The following CSMD1 variants were observed in gnomAD, a reference collection of about 807,000 sequenced individuals.
The protein encoded by CSMD1 is CUB and Sushi multiple domains 1.
In CSMD1, 213 loss-of-function variants were observed where a neutral mutation model predicts 417.5. The ratio of observed to expected loss-of-function variants is 0.51; its 90% CI spans 0.46 to 0.57. The LOEUF (loss-of-function observed/expected upper bound fraction) is 0.57. CSMD1 is among the 20% of genes least tolerant of loss of function. The probability of loss-of-function intolerance (pLI) is 0.00; values close to 1 mark genes in which losing one functional copy is unlikely to be tolerated. For missense variants in CSMD1, 6,923 were observed against 4,529.7 expected, an observed-to-expected ratio of 1.53 and a Z score of -15.17; for synonymous variants, 2,862 against 1,736.8, an observed-to-expected ratio of 1.65 and a Z score of -16.11.
At chr8:4,661,558 T>A (rs1225250050) in intron 1 of CSMD1, among the ~76,000 whole-genome samples, 1 of 152,154 alleles carries the variant, frequency 6.6e-6, no homozygotes, top group Non-Finnish European at 1.5e-5. Context: ...ATATTCTGTA[T>A]CTCCAATGTG....
At chr8:3,037,907 A>C (rs908884176) in intron 50 of CSMD1, among the ~76,000 whole-genome samples, 12 of 152,024 alleles carry the variant, frequency 7.9e-5, no homozygotes, top group Non-Finnish European at 1.5e-4. Context: ...CCTTCATAAC[A>C]CTGTCATATT....
intron 5 of CSMD1, among the ~76,000 whole-genome samples, chr8:3,796,426 AGATATATATATCTATCGTG>A (rs1330522016): frequency 1.2e-4 from 14 of 114,570 alleles, no homozygotes; most frequent in Non-Finnish European, 2.2e-4. Flanking sequence ...TATCATGTAT[AGATATATATATCTATCGTG>A]TATAGATATA....
intron 52 of CSMD1, among the ~76,000 whole-genome samples, chr8:3,003,231 G>C (rs76211252): frequency 1.8e-3 from 269 of 152,248 alleles, no homozygotes; most frequent in African/African-American, 6.3e-3. Flanking sequence ...AATTGCATTA[G>C]GAGGAATTTG....
Position 4,230,198 on chromosome 8 carries a change from T to C in CSMD1, c.415+189755A>G, listed in dbSNP as rs78361006. ...TATTCTGAGCCAAATTATCTTAAGATCTAGAGTTTCCCTCTAATCTTAATA... is the reference window on the plus strand; with the variant it reads ...TATTCTGAGCCAAATTATCTTAAGACCTAGAGTTTCCCTCTAATCTTAATA... On this transcript the variant is annotated intron_variant, in intron 3 of 69. Coordinates refer to ENST00000635120, the MANE Select transcript of CSMD1 (RefSeq NM_033225.6). 7.9e-3 allele frequency among the ~76,000 whole-genome samples: 1,198 copies of C among 152,312 alleles called. 10 individuals carry two copies. The highest frequency in any genetic ancestry group is 0.026 in the African/African-American group (1,101 of 41,564).
intron 1 of CSMD1, among the ~76,000 whole-genome samples, chr8:4,920,085 A>G (rs79348550): frequency 0.011 from 1,638 of 152,306 alleles, 25 homozygotes; most frequent in African/African-American, 0.036. Context: ...TGAAAAGACA[A>G]ATAGAAGACA....
chr8:3,318,340 G>A (rs993416734), intron 23 of CSMD1, among the ~76,000 whole-genome samples: 1 of 152,152 alleles, frequency 6.6e-6, no homozygotes, highest in Non-Finnish European at 1.5e-5. Context: ...ATCTGGAGTA[G>A]CATATCCTCT....
chr8:3,277,618 A>G (rs1802400670), intron 26 of CSMD1, among the ~76,000 whole-genome samples: 1 of 152,154 alleles, frequency 6.6e-6, no homozygotes, highest in Non-Finnish European at 1.5e-5. Context: ...AAAACCGGGA[A>G]GATGTCAAGG....
At chr8:3,232,753 TC>T (rs1798915168) in intron 26 of CSMD1, among the ~76,000 whole-genome samples, 1 of 152,194 alleles carries the variant, frequency 6.6e-6, no homozygotes, top group Non-Finnish European at 1.5e-5. Context: ...GCTTGTGTTT[TC>T]TATGTGCACC....
intron 18 of CSMD1, among the ~76,000 whole-genome samples, chr8:3,384,456 A>G (rs1810842231): frequency 6.6e-6 from 1 of 151,394 alleles, no homozygotes; most frequent in Non-Finnish European, 1.5e-5. Flanking sequence ...ACGCTATTGC[A>G]CTAATATATT....
Position 3,408,118 on chromosome 8 carries a change from G to C in CSMD1, c.1852C>G (p.Pro618Ala), listed in dbSNP as rs1436695507. Residue 618 changes from proline to alanine, a missense_variant, in exon 14 of 70, where the codon CCA becomes GCA. Transcript: ENST00000635120. ...MNCVWLIISE[P>A]GSRIHLIFND... The stretch of plus-strand genomic sequence containing the variant: ...AAGATTAGGTGAATTCGACTTCCTG[G>C]CTCCGAGATAATCAACCAGACACAG... 2.5e-6 allele frequency: 4 copies of C among 1,613,720 alleles called. No individual in the cohort carries two copies. The highest frequency in any genetic ancestry group is 2.2e-5 in the South Asian group (2 of 91,054).
At chr8:4,444,657 T>A (rs570620038) in intron 2 of CSMD1, among the ~76,000 whole-genome samples, 1 of 152,146 alleles carries the variant, frequency 6.6e-6, no homozygotes, top group South Asian at 2.1e-4. Flanking sequence ...AGGGCATGAT[T>A]GTAATTGTGA....
chr8:3,226,968 A>G (rs1487447174), intron 27 of CSMD1, among the ~76,000 whole-genome samples: 2 of 152,232 alleles, frequency 1.3e-5, no homozygotes, highest in Non-Finnish European at 2.9e-5. Context: ...TTATTAATTT[A>G]AAATGCCAAT....
intron 5 of CSMD1, among the ~76,000 whole-genome samples, chr8:3,942,894 C>A (rs1253880887): frequency 6.6e-6 from 1 of 152,088 alleles, no homozygotes; most frequent in Admixed American, 6.6e-5. Flanking sequence ...ATGAATACAT[C>A]ATTGTGATAC....
intron 2 of CSMD1, among the ~76,000 whole-genome samples, chr8:4,511,205 G>C (rs1001794527): frequency 1.3e-5 from 2 of 152,064 alleles, no homozygotes; most frequent in African/African-American, 4.8e-5. Flanking sequence ...TCCATGTACA[G>C]ATCCATTTTT....
At chr8:4,703,605 TA>T (rs1807726950) in intron 1 of CSMD1, among the ~76,000 whole-genome samples, 1 of 152,170 alleles carries the variant, frequency 6.6e-6, no homozygotes, top group Non-Finnish European at 1.5e-5. Flanking sequence ...GTTAAGGAAA[TA>T]TTTCAATTTT....
intron 12 of CSMD1, among the ~76,000 whole-genome samples, chr8:3,443,601 C>A (rs886921212): frequency 7.2e-5 from 11 of 152,144 alleles, no homozygotes; most frequent in Non-Finnish European, 1.3e-4. Context: ...AGAAGTGAGA[C>A]CTTCAAATTA....
chr8:3,929,871 C>T (rs542467035), intron 5 of CSMD1, among the ~76,000 whole-genome samples: 1 of 149,910 alleles, frequency 6.7e-6, no homozygotes, highest in African/African-American at 2.5e-5. Context: ...CATATTGGTC[C>T]CGCTCATCTC....
chr8:4,333,268 T>A (rs1799979446), intron 3 of CSMD1, among the ~76,000 whole-genome samples: 1 of 152,084 alleles, frequency 6.6e-6, no homozygotes, highest in African/African-American at 2.4e-5. Context: ...AAGCCAATCC[T>A]GACGCTAAGT....
chr8:4,332,870 G>C (rs1027498237), intron 3 of CSMD1, among the ~76,000 whole-genome samples: 1 of 150,758 alleles, frequency 6.6e-6, no homozygotes. Context: ...CTACACAAAG[G>C]AATGTTTTTG....
Sources: gnomAD v4.1 joint callset for allele counts (sites outside exome capture counted in the v4.1 genomes callset) on GRCh38, gnomAD v4.1.1 for gene constraint, MANE v1.5 for transcripts, NCBI Gene and HGNC (gene_info 2026-07-23, HGNC 2026-07-21) for gene names.